GPRC6A: variants seen among roughly 807,000 people sequenced by gnomAD.
GPRC6A encodes the protein G protein-coupled receptor family C group 6 member A.
In GPRC6A, 54 loss-of-function variants were observed where a neutral mutation model predicts 47.0. That is an observed-to-expected ratio of 1.15 (90% confidence interval 0.92 to 1.44). GPRC6A has a LOEUF of 1.44. Ranked by LOEUF, GPRC6A falls within the 40% of genes most tolerant of loss-of-function variation. GPRC6A has a pLI of 0.00. For synonymous variants in GPRC6A, 347 were observed against 377.1 expected (o/e 0.92, Z 0.93); for missense variants, 1,112 against 1,105.5 (o/e 1.01, Z -0.08).
intron 4 of GPRC6A, among the ~76,000 whole-genome samples, chr6:116,798,868 G>A (rs1394861606): frequency 2.7e-5 from 4 of 146,452 alleles, no homozygotes; most frequent in African/African-American, 7.6e-5. Flanking sequence ...GGATGAGAGA[G>A]CAAGAATCCA....
rs1773764092 is a variant in GPRC6A at position 116,828,991 on chromosome 6, A to C, written c.23T>G (p.Ile8Ser). 6.2e-7 allele frequency: 1 copy of C among 1,612,024 alleles called. No homozygotes were observed. Among genetic ancestry groups the C allele is most frequent in the African/African-American group, 1.3e-5 (1 of 74,852 alleles). MAFLIIL[I>S]TCFVIILATS... ...AGCAAGAATAATCACAAAGCAGGTA[A>C]TTAGTATAATTAAGAATGCCATGTT... Residue 8 changes from isoleucine (I) to serine (S), a missense_variant, in exon 1 of 6, where the codon ATT (isoleucine) becomes AGT (serine). Physicochemically the swap from Ile to Ser is moderately radical, Grantham distance 142. Coordinates refer to ENST00000310357, the MANE Select transcript of GPRC6A (RefSeq NM_148963.4).
intron 1 of GPRC6A, among the ~76,000 whole-genome samples, chr6:116,813,750 A>G (rs199624110): frequency 2.6e-5 from 4 of 152,174 alleles, no homozygotes; most frequent in African/African-American, 9.7e-5. Flanking sequence ...AAGCCAAAAT[A>G]GACAAATGGG....
Position 116,792,948 on chromosome 6 carries a change from A to C in GPRC6A, c.1975T>G (p.Cys659Gly). The C allele has an allele frequency of 6.2e-7, 1 of 1,614,106 alleles. No homozygotes were observed. Among genetic ancestry groups the C allele is most frequent in the Non-Finnish European group, 8.5e-7 (1 of 1,179,978 alleles). Residue 659 changes from cysteine to glycine, a missense_variant, in exon 6 of 6, where the codon TGT becomes GGT. Physicochemically the swap from Cys to Gly is radical, Grantham distance 159. Coordinates refer to ENST00000310357, the MANE Select transcript of GPRC6A (RefSeq NM_148963.4). ...FFIGEPQDFT[C>G]KTRQTMFGVS... is the part of the protein sequence containing the mutation. ...CCAAACATTGTCTGCCTGGTTTTAC[A>C]TGTGAAGTCTTGTGGTTCTCCAATG...
At chr6:116,828,709 A>G in intron 1 of GPRC6A, 111 bp downstream of exon 1, 2 of 879,392 alleles carry the variant, frequency 2.3e-6, no homozygotes. Flanking sequence ...TTAAAAATAC[A>G]TATGAGTTTA....
intron 3 of GPRC6A, among the ~76,000 whole-genome samples, chr6:116,804,934 G>C (rs1582460798): frequency 6.6e-6 from 1 of 151,822 alleles, no homozygotes. Context: ...CTATGTGGTG[G>C]TATTATTACT....
At position 116,809,574 on chromosome 6, in the gene GPRC6A, T is replaced by G. The variant is rs769866376; in HGVS notation, c.238A>C (p.Ser80Arg). 6.2e-7 allele frequency: 1 copy of G among 1,611,956 alleles called. No homozygotes were observed. The highest frequency in any genetic ancestry group is 8.5e-7 in the Non-Finnish European group (1 of 1,178,400). ...VFLQTLAMIH[S>R]IEMINNSTLL... ...GTTGAATTGTTGATCATCTCAATGC[T>G]GTGTATCATGGCAAGAGTTTGAAGA... Residue 80 changes from serine to arginine, a missense_variant, in exon 2 of 6, where the codon AGC (serine) becomes CGC (arginine). By Grantham distance (110) the Ser-to-Arg change is moderately radical. Coordinates refer to ENST00000310357, the MANE Select transcript of GPRC6A (RefSeq NM_148963.4).
At chr6:116,816,603 T>G (rs911228793) in intron 1 of GPRC6A, among the ~76,000 whole-genome samples, 1 of 152,158 alleles carries the variant, frequency 6.6e-6, no homozygotes, top group African/African-American at 2.4e-5. Context: ...GACGGGTGAT[T>G]TCTGCATTTC....
chr6:116,797,193 T>C, intron 4 of GPRC6A, among the ~76,000 whole-genome samples: 1 of 152,166 alleles, frequency 6.6e-6, no homozygotes, highest in Admixed American at 6.6e-5. Flanking sequence ...TTCATCCATG[T>C]CCCTACAAAG....
At chr6:116,821,349 C>G (rs1029677471) in intron 1 of GPRC6A, among the ~76,000 whole-genome samples, 19 of 151,974 alleles carry the variant, frequency 1.3e-4, no homozygotes, top group African/African-American at 2.4e-4. Flanking sequence ...CACAGAATTG[C>G]AAAAAACTAC....
chr6:116,799,484 T>C (rs1582456129), intron 4 of GPRC6A, among the ~76,000 whole-genome samples: 1 of 152,252 alleles, frequency 6.6e-6, no homozygotes, highest in Non-Finnish European at 1.5e-5. Flanking sequence ...ACAAATAAAA[T>C]ATTTCATTGA....
chr6:116,792,118 A>C lies in GPRC6A; in HGVS notation c.*24T>G. 6.4e-7 allele frequency: 1 copy of C among 1,567,980 alleles called. No individual in the cohort carries two copies. ...AGACCCTGGAAACATTTTATTCTGG[A>C]ATGTGGCATCTCCTAAGGCTTATTC... is the stretch of plus-strand genomic sequence containing the variant. On this transcript the variant is annotated 3_prime_UTR_variant, in exon 6 of 6. Coordinates refer to ENST00000310357, the MANE Select transcript of GPRC6A (RefSeq NM_148963.4).
Position 116,809,319 on chromosome 6 carries a change from G to A in GPRC6A, c.493C>T (p.Pro165Ser), listed in dbSNP as rs1772948783. The A allele has an allele frequency of 6.2e-7, 1 of 1,611,218 alleles. No individual in the cohort carries two copies. Among genetic ancestry groups the A allele is most frequent in the Non-Finnish European group, 8.5e-7 (1 of 1,177,854 alleles). The change falls in exon 2 of 6, where the codon CCA becomes TCA. Residue 165 changes from proline to serine, a missense_variant. Pro to Ser is a moderately conservative substitution (Grantham distance 74). Coordinates refer to ENST00000310357, the MANE Select transcript of GPRC6A (RefSeq NM_148963.4). ...VSRMLNLQLM[P>S]QVGYESTAEI... Reference sequence around the variant, plus strand: ...GGAGGTAGCACAAAACCTACCTGTGGCATGAGCTGTAAATTCAACATCCTG... The same window carrying A: ...GGAGGTAGCACAAAACCTACCTGTGACATGAGCTGTAAATTCAACATCCTG...
Position 116,800,791 on chromosome 6 carries a change from A to G in GPRC6A, c.1341T>C (p.Leu447=). The G allele has an allele frequency of 6.3e-7, 1 of 1,593,088 alleles. No individual in the cohort carries two copies. The highest frequency in any genetic ancestry group is 8.6e-7 in the Non-Finnish European group (1 of 1,163,612). ...TGAATGTCACATTTTTTAGCACACC[A>G]AGTAACTATAAAAAATAAAAACAGA... The part of the protein sequence containing the change: ...NPNAFQPWEL[L]GVLKNVTFTD... Residue 447 remains leucine, a synonymous_variant, in exon 4 of 6, where the codon CTT becomes CTC. Coordinates refer to ENST00000310357, the MANE Select transcript of GPRC6A (RefSeq NM_148963.4).
intron 4 of GPRC6A, among the ~76,000 whole-genome samples, chr6:116,798,445 G>A (rs1188945741): frequency 6.6e-6 from 1 of 152,044 alleles, no homozygotes; most frequent in African/African-American, 2.4e-5. Context: ...AGGGGAGGGT[G>A]GGAGATAAGG....
At chr6:116,825,265 G>A (rs762065350) in intron 1 of GPRC6A, among the ~76,000 whole-genome samples, 2 of 151,882 alleles carry the variant, frequency 1.3e-5, no homozygotes, top group Non-Finnish European at 2.9e-5. Context: ...GAAACAAATG[G>A]CATACACATT....
upstream of GPRC6A, chr6:116,829,087 T>C (rs967628784): frequency 2.0e-6 from 3 of 1,521,558 alleles, no homozygotes; most frequent in Non-Finnish European, 2.6e-6. Context: ...GCAAGATTCC[T>C]ATTTCACCTG....
At chr6:116,796,927 C>T (rs907377933) in intron 4 of GPRC6A, among the ~76,000 whole-genome samples, 4 of 152,098 alleles carry the variant, frequency 2.6e-5, no homozygotes, top group African/African-American at 7.2e-5. Flanking sequence ...TACATGTGCA[C>T]GATGTGCAGG....
intron 5 of GPRC6A, among the ~76,000 whole-genome samples, chr6:116,794,672 T>C (rs1772420206): frequency 6.6e-6 from 1 of 152,184 alleles, no homozygotes; most frequent in African/African-American, 2.4e-5. Flanking sequence ...AAAAACTCCC[T>C]CGCTAATTAT....
At chr6:116,803,966 G>C (rs1050144496) in intron 3 of GPRC6A, among the ~76,000 whole-genome samples, 1 of 151,960 alleles carries the variant, frequency 6.6e-6, no homozygotes, top group Non-Finnish European at 1.5e-5. Flanking sequence ...AATTCCTTTA[G>C]GGAAGGAATT....
Sources: gnomAD v4.1 joint callset for allele counts (sites outside exome capture counted in the v4.1 genomes callset) on GRCh38, gnomAD v4.1.1 for gene constraint, MANE v1.5 for transcripts, NCBI Gene and HGNC (gene_info 2026-07-23, HGNC 2026-07-21) for gene names.